XPO1: variants seen among roughly 807,000 people sequenced by gnomAD.
The protein encoded by XPO1 is exportin-1.
In XPO1, 5 loss-of-function variants were observed where a neutral mutation model predicts 133.3. That is an observed-to-expected ratio of 0.04 (90% CI 0.02 to 0.08). XPO1 has a LOEUF of 0.08. Among genes scored for constraint, XPO1 ranks in the 10% least tolerant of loss-of-function variants. The pLI is 1.00. For synonymous variants in XPO1, 419 were observed against 408.2 expected, an observed-to-expected ratio of 1.03 and a Z score of -0.32; for missense variants, 506 against 1,267.5, an observed-to-expected ratio of 0.40 and a Z score of 9.12.
chr2:61,496,161 A>G (rs949121734), intron 10 of XPO1, among the ~76,000 whole-genome samples: 8 of 152,202 alleles, frequency 5.3e-5, no homozygotes, highest in Non-Finnish European at 1.0e-4. Context: ...TGAAAAATGT[A>G]AAAATAATCA....
chr2:61,529,979 T>A (rs1368612506), intron 2 of XPO1, among the ~76,000 whole-genome samples: 1 of 152,218 alleles, frequency 6.6e-6, no homozygotes, highest in Admixed American at 6.5e-5. Flanking sequence ...AAAGGACTGA[T>A]GGGCATAATG....
intron 2 of XPO1, among the ~76,000 whole-genome samples, chr2:61,526,800 T>C (rs1187580673): frequency 6.6e-6 from 1 of 151,620 alleles, no homozygotes; most frequent in Non-Finnish European, 1.5e-5. Flanking sequence ...CTCTGCCTCC[T>C]GGGTTCAAGC....
intron 2 of XPO1, among the ~76,000 whole-genome samples, chr2:61,529,517 A>C (rs1699061068): frequency 6.6e-6 from 1 of 152,000 alleles, no homozygotes; most frequent in South Asian, 2.1e-4. Flanking sequence ...TTAGCTGGGC[A>C]TGGTGGGGCG....
chr2:61,500,412 C>G (rs576053144), intron 6 of XPO1, among the ~76,000 whole-genome samples: 43 of 151,858 alleles, frequency 2.8e-4, no homozygotes, highest in African/African-American at 9.4e-4. Flanking sequence ...AACCCTGTCT[C>G]TACTAAAAAT....
intron 19 of XPO1, among the ~76,000 whole-genome samples, chr2:61,487,289 C>G (rs574470415): frequency 5.9e-5 from 9 of 152,186 alleles, no homozygotes; most frequent in Admixed American, 2.0e-4. Context: ...GCTCCCGACA[C>G]GTGCTCAAGC....
intron 7 of XPO1, 141 bp downstream of exon 7, chr2:61,499,572 T>C (rs1697405198): frequency 3.8e-6 from 3 of 786,350 alleles, no homozygotes; most frequent in Non-Finnish European, 5.8e-6. Context: ...GGACTATTTC[T>C]TAATCTGCAG....
chr2:61,501,453 G>A (rs761766321), intron 6 of XPO1, among the ~76,000 whole-genome samples: 5 of 152,010 alleles, frequency 3.3e-5, no homozygotes, highest in African/African-American at 4.8e-5. Flanking sequence ...CAGGTGCAGC[G>A]GCTCACACCT....
intron 4 of XPO1, 197 bp from the exon 5 acceptor site, chr2:61,502,507 C>A (rs7577375): frequency 0.62 from 295,078 of 479,282 alleles, 91,261 homozygotes; most frequent in Middle Eastern, 0.72. Context: ...CCCAGCAATT[C>A]TTTGGGAGGC....
chr2:61,533,970 G>A, intron 1 of XPO1, 67 bp from the exon 2 acceptor site: 1 of 1,322,000 alleles, frequency 7.6e-7, no homozygotes. Context: ...CTTCCTACAA[G>A]TTATTTTACT....
intron 4 of XPO1, among the ~76,000 whole-genome samples, chr2:61,508,472 AAT>A (rs1354092486): frequency 2.0e-5 from 3 of 152,222 alleles, no homozygotes; most frequent in Non-Finnish European, 2.9e-5. Flanking sequence ...AGCAATATCA[AAT>A]AGTCAATATA....
chr2:61,491,735 G>A (rs546653413), intron 16 of XPO1, among the ~76,000 whole-genome samples: 3 of 151,976 alleles, frequency 2.0e-5, no homozygotes, highest in Non-Finnish European at 4.4e-5. Context: ...CTCTACCAAG[G>A]GGGGGAAAAA....
chr2:61,513,967 G>A (rs1277113924), intron 4 of XPO1, among the ~76,000 whole-genome samples: 1 of 151,606 alleles, frequency 6.6e-6, no homozygotes, highest in East Asian at 2.0e-4. Context: ...GGTGGATCAC[G>A]AGGTCAGGAG....
At chr2:61,508,000 A>G (rs982973086) in intron 4 of XPO1, among the ~76,000 whole-genome samples, 1 of 152,178 alleles carries the variant, frequency 6.6e-6, no homozygotes, top group African/African-American at 2.4e-5. Context: ...ATACTGACTT[A>G]GCACTGGTAC....
chr2:61,530,457 G>T (rs191692116), intron 2 of XPO1, among the ~76,000 whole-genome samples: 19 of 152,176 alleles, frequency 1.2e-4, no homozygotes, highest in African/African-American at 3.6e-4. Context: ...CTAACTGAAT[G>T]GTGAAAGCAT....
chr2:61,495,924 C>G (rs769959693), intron 10 of XPO1, among the ~76,000 whole-genome samples: 17 of 152,134 alleles, frequency 1.1e-4, no homozygotes, highest in Non-Finnish European at 2.5e-4. Flanking sequence ...CCACCTTAGC[C>G]TCCCAAAGTG....
At chr2:61,527,463 G>A (rs1698956332) in intron 2 of XPO1, among the ~76,000 whole-genome samples, 1 of 152,046 alleles carries the variant, frequency 6.6e-6, no homozygotes, top group Non-Finnish European at 1.5e-5. Flanking sequence ...ACTTCAGCCT[G>A]GGTGAAAGAG....
intron 12 of XPO1, chr2:61,493,437 T>G (rs187610964): frequency 2.1e-5 from 4 of 191,596 alleles, no homozygotes; most frequent in African/African-American, 9.5e-5. Context: ...AGTCTAGGAG[T>G]TCAAGATTGT....
chr2:61,532,418 C>T (rs1052576897), intron 2 of XPO1, among the ~76,000 whole-genome samples: 9 of 152,042 alleles, frequency 5.9e-5, no homozygotes, highest in Non-Finnish European at 4.4e-5. Context: ...TGAGCCACCG[C>T]GCCCGGCCGG....
At chr2:61,488,017 A>G (rs1353569901) in intron 19 of XPO1, 148 bp downstream of exon 19, 2 of 656,212 alleles carry the variant, frequency 3.0e-6, no homozygotes, top group Admixed American at 2.8e-5. Flanking sequence ...TAGTATATTA[A>G]CGTAAGGACT....
Sources: allele counts gnomAD v4.1 joint callset (sites outside exome capture counted in the v4.1 genomes callset), GRCh38; gene constraint gnomAD v4.1.1; transcripts MANE v1.5; gene names NCBI Gene and HGNC (gene_info 2026-07-23, HGNC 2026-07-21).